The following GMDS variants were observed in gnomAD, a reference collection of about 807,000 sequenced individuals.
GMDS encodes the protein GDP-mannose 4,6-dehydratase, also known as GDP-mannose 4,6 dehydratase.
GMDS carries 20 observed loss-of-function variants against 49.9 expected under a neutral mutation model. The ratio of observed to expected loss-of-function variants is 0.40; its 90% CI spans 0.28 to 0.58. The LOEUF (loss-of-function observed/expected upper bound fraction) is 0.58. GMDS is among the 20% of genes least tolerant of loss of function. GMDS has a pLI of 0.42. For missense variants in GMDS, 362 were observed against 481.4 expected (o/e 0.75, Z 2.32); for synonymous variants, 177 against 178.6 (o/e 0.99, Z 0.07).
At chr6:2,111,768 C>T (rs1471977735) in intron 4 of GMDS, among the ~76,000 whole-genome samples, 1 of 152,218 alleles carries the variant, frequency 6.6e-6, no homozygotes, top group Non-Finnish European at 1.5e-5. Context: ...AAACATTACA[C>T]TGTCAGAAGT....
intron 4 of GMDS, among the ~76,000 whole-genome samples, chr6:2,071,684 TA>T (rs148189888): frequency 0.07 from 9,825 of 140,800 alleles, 343 homozygotes; most frequent in South Asian, 0.13. Flanking sequence ...ACTTCACATT[TA>T]AAAAAAAAAA....
chr6:1,733,606 CA>C (rs1766902182), intron 8 of GMDS, among the ~76,000 whole-genome samples: 1 of 152,210 alleles, frequency 6.6e-6, no homozygotes, highest in Non-Finnish European at 1.5e-5. Flanking sequence ...CACTTGAGGC[CA>C]CGAGCTTGAG....
At chr6:1,654,177 G>C (rs1763800934) in intron 9 of GMDS, among the ~76,000 whole-genome samples, 1 of 152,216 alleles carries the variant, frequency 6.6e-6, no homozygotes, top group South Asian at 2.1e-4. Context: ...AAACTCTGCA[G>C]TCGTAATGGA....
At chr6:1,917,733 T>C (rs1761474974) in intron 7 of GMDS, among the ~76,000 whole-genome samples, 1 of 152,208 alleles carries the variant, frequency 6.6e-6, no homozygotes, top group African/African-American at 2.4e-5. Context: ...ATCTGTATCC[T>C]GTGGACTTGG....
At chr6:1,738,290 C>T (rs139322898) in intron 8 of GMDS, among the ~76,000 whole-genome samples, 37 of 152,326 alleles carry the variant, frequency 2.4e-4, no homozygotes, top group Non-Finnish European at 4.4e-4. Context: ...GAATTTAAAA[C>T]GTTACCTTAC....
chr6:1,902,951 A>G (rs1227470838), intron 7 of GMDS, among the ~76,000 whole-genome samples: 1 of 152,220 alleles, frequency 6.6e-6, no homozygotes, highest in Admixed American at 6.5e-5. Flanking sequence ...TGTTAATATA[A>G]AGATAGGCTG....
At chr6:1,698,172 G>A (rs1245151194) in intron 9 of GMDS, among the ~76,000 whole-genome samples, 1 of 152,188 alleles carries the variant, frequency 6.6e-6, no homozygotes, top group African/African-American at 2.4e-5. Context: ...AGCCTCCTGG[G>A]GAGATTAAAG....
chr6:1,706,147 G>A (rs1284217294), intron 9 of GMDS, among the ~76,000 whole-genome samples: 1 of 152,184 alleles, frequency 6.6e-6, no homozygotes, highest in South Asian at 2.1e-4. Context: ...CATTCATTTC[G>A]ATTCTCAAGG....
rs1004416976 is a variant in GMDS, at chr6:1,981,031, C to T, written c.346-20065G>A. On this transcript the variant is annotated intron_variant, in intron 4 of 10. Coordinates refer to ENST00000380815, the MANE Select transcript of GMDS (RefSeq NM_001500.4). ...ACAACATACCACAATCTCTGGGACA[C>T]GGCTAAAGCTGTGTTAAAAGAAAAA... Among the ~76,000 whole-genome samples the T allele has an allele frequency of 7.2e-5, 11 of 152,238 alleles. No homozygotes were observed. In the East Asian group the frequency reaches 9.6e-4, roughly 13 times the overall value.
intron 4 of GMDS, among the ~76,000 whole-genome samples, chr6:2,065,443 G>C (rs899491798): frequency 3.9e-5 from 6 of 152,040 alleles, no homozygotes; most frequent in African/African-American, 7.2e-5. Context: ...GACGAGCTGA[G>C]AGAAGGCTTC....
At chr6:1,859,663 A>C (rs1413333724) in intron 7 of GMDS, among the ~76,000 whole-genome samples, 3 of 152,142 alleles carry the variant, frequency 2.0e-5, no homozygotes, top group African/African-American at 7.2e-5. Flanking sequence ...GAGCCTCTGG[A>C]AGCACAGCCT....
chr6:1,946,249 T>C (rs965483330), intron 6 of GMDS, among the ~76,000 whole-genome samples: 1 of 152,182 alleles, frequency 6.6e-6, no homozygotes, highest in African/African-American at 2.4e-5. Flanking sequence ...TGAAATGTGA[T>C]GGAAGGGGCA....
Position 2,175,517 on chromosome 6 carries a change from AAG to A in GMDS, c.103-50788_103-50787del, listed in dbSNP as rs1778240625. ...CTGAGGGAGTTGTGTCGACAGAAAA[AAG>A]AGAGCAGCATTACTATACCTCAGCT... is the stretch of plus-strand genomic sequence containing the variant. On this transcript the variant is annotated intron_variant, in intron 1 of 10. Transcript: ENST00000380815. 2.0e-5 allele frequency among the ~76,000 whole-genome samples: 3 copies of A among 152,296 alleles called. No homozygotes were observed. The East Asian group carries it at 5.8e-4, about 29-fold the overall frequency.
At chr6:2,093,551 T>C (rs1336670238) in intron 4 of GMDS, among the ~76,000 whole-genome samples, 2 of 152,146 alleles carry the variant, frequency 1.3e-5, no homozygotes, top group Non-Finnish European at 2.9e-5. Flanking sequence ...ATGCATAAGA[T>C]AGCATTTTAA....
chr6:2,070,494 A>G (rs1183983168), intron 4 of GMDS, among the ~76,000 whole-genome samples: 1 of 152,226 alleles, frequency 6.6e-6, no homozygotes, highest in African/African-American at 2.4e-5. Context: ...CATATCCTTT[A>G]AGATCTAGCA....
chr6:1,827,078 ATGTGTGTGTGTGTGTGTG>A (rs111813765), intron 7 of GMDS, among the ~76,000 whole-genome samples: 6 of 125,280 alleles, frequency 4.8e-5, no homozygotes, highest in East Asian at 4.7e-4. Context: ...AAAAATATAT[ATGTGTGTGTGTGTGTGTG>A]TGTGTGTGTG....
At chr6:1,937,351 A>G (rs1258068893) in intron 6 of GMDS, among the ~76,000 whole-genome samples, 1 of 152,254 alleles carries the variant, frequency 6.6e-6, no homozygotes, top group Non-Finnish European at 1.5e-5. Context: ...AATAGCAGAC[A>G]CTGAACTTTC....
At chr6:1,878,001 G>T (rs1410293688) in intron 7 of GMDS, among the ~76,000 whole-genome samples, 3 of 152,244 alleles carry the variant, frequency 2.0e-5, no homozygotes, top group Admixed American at 2.0e-4. Context: ...ACATATAACT[G>T]TATGTAGAAA....
intron 4 of GMDS, among the ~76,000 whole-genome samples, chr6:2,048,317 G>C (rs1770150778): frequency 6.6e-6 from 1 of 152,024 alleles, no homozygotes; most frequent in East Asian, 1.9e-4. Flanking sequence ...TTTCCATATG[G>C]CCAGCATCAA....
Sources: allele counts gnomAD v4.1 joint callset (sites outside exome capture counted in the v4.1 genomes callset), GRCh38; gene constraint gnomAD v4.1.1; transcripts MANE v1.5; gene names NCBI Gene and HGNC (gene_info 2026-07-23, HGNC 2026-07-21).